The following PDE5A variants were observed in gnomAD, a reference collection of about 807,000 sequenced individuals.
The protein encoded by PDE5A is phosphodiesterase 5A, also known as cGMP-specific 3',5'-cyclic phosphodiesterase.
In PDE5A, 67 loss-of-function variants were observed where a neutral mutation model predicts 110.2. The ratio of observed to expected loss-of-function variants is 0.61; its 90% CI spans 0.50 to 0.75. PDE5A has a LOEUF of 0.75. Among genes scored for constraint, PDE5A ranks in the 30% least tolerant of loss-of-function variants. The pLI is 0.00. For missense variants in PDE5A, 862 were observed against 1,045.1 expected (o/e 0.82, Z 2.42); for synonymous variants, 328 against 351.2 (o/e 0.93, Z 0.74).
chr4:119,575,144 TA>T (rs1728286973), intron 3 of PDE5A, among the ~76,000 whole-genome samples: 1 of 152,068 alleles, frequency 6.6e-6, no homozygotes, highest in African/African-American at 2.4e-5. Context: ...GAAAAAAGAA[TA>T]AAAAGAAACG....
At chr4:119,541,629 T>C (rs1428164766) in intron 10 of PDE5A, 5 of 152,148 alleles carry the variant, frequency 3.3e-5, no homozygotes, top group African/African-American at 9.7e-5. Context: ...TAAGAGAGAT[T>C]GAGGGAAATG....
chr4:119,558,103 C>G (rs1354012541), intron 7 of PDE5A, among the ~76,000 whole-genome samples: 1 of 152,004 alleles, frequency 6.6e-6, no homozygotes, highest in East Asian at 1.9e-4. Context: ...TTTTTTCCTT[C>G]TAATTGGGTG....
chr4:119,553,582 A>G (rs1465314865), intron 8 of PDE5A, 56 bp downstream of exon 8: 1 of 843,758 alleles, frequency 1.2e-6, no homozygotes, highest in Non-Finnish European at 2.1e-6. Context: ...AACTGTAAGT[A>G]CAGATGTGAT....
In PDE5A at chr4:119,505,838, A is replaced by T. The variant is rs1469181026; in HGVS notation, c.2267+17T>A. ...TGGGTAAAAAACTTCAGCTTTAAAG[A>T]TAGTAAACCTACTTACAAAAACAAC... On this transcript the variant is annotated intron_variant, in intron 17 of 20. Coordinates refer to ENST00000354960, the MANE Select transcript of PDE5A (RefSeq NM_001083.4). The T allele has an allele frequency of 6.9e-7, 1 of 1,440,552 alleles. No individual in the cohort carries two copies. The highest frequency in any genetic ancestry group is 2.4e-5 in the East Asian group (1 of 42,500). The allele number at this position is 1,440,552 out of a possible 1,614,324, so 89.2% of individuals were successfully genotyped here. A position where few individuals can be genotyped will look rare whatever the true frequency, so the allele number is the denominator to read the frequency against.
intron 3 of PDE5A, among the ~76,000 whole-genome samples, chr4:119,586,075 CTA>C (rs1728754750): frequency 6.6e-6 from 1 of 152,170 alleles, no homozygotes. Context: ...ACCACAAAAA[CTA>C]TGAGATAATA....
rs1338269189 is a variant in PDE5A at position 119,627,728 on chromosome 4, C to G, written c.152+792G>C. The G allele has an allele frequency of 2.0e-5, 3 of 153,732 alleles. No homozygotes were observed. The highest frequency in any genetic ancestry group is 4.3e-5 in the Non-Finnish European group (3 of 69,348). The allele number at this position is 153,732 out of a possible 1,614,324, so 9.5% of individuals were successfully genotyped here. A position where few individuals can be genotyped will look rare whatever the true frequency, so the allele number is the denominator to read the frequency against. ...CCGACTGCCCGCTGCGCAGCCGCCTCCAAAAGGACAGGCTCCCTCCTCCCC... is the reference window on the plus strand; with the variant it reads ...CCGACTGCCCGCTGCGCAGCCGCCTGCAAAAGGACAGGCTCCCTCCTCCCC... On this transcript the variant is annotated intron_variant, in intron 1 of 20. Coordinates refer to ENST00000354960, the MANE Select transcript of PDE5A (RefSeq NM_001083.4). The surrounding 1 kb of genome is among the most constrained non-coding windows in gnomAD (Gnocchi z 4.6).
At chr4:119,613,085 CA>C in intron 1 of PDE5A, among the ~76,000 whole-genome samples, 1 of 152,194 alleles carries the variant, frequency 6.6e-6, no homozygotes, top group Admixed American at 6.5e-5. Context: ...AATATTAATT[CA>C]AAAAACTAGT....
intron 13 of PDE5A, among the ~76,000 whole-genome samples, chr4:119,520,612 A>T (rs1342063460): frequency 6.6e-6 from 1 of 152,058 alleles, no homozygotes; most frequent in African/African-American, 2.4e-5. Context: ...GAAATGTGAT[A>T]CTTTTTCTTA....
intron 3 of PDE5A, among the ~76,000 whole-genome samples, chr4:119,579,611 G>A (rs1205320226): frequency 3.3e-5 from 5 of 150,910 alleles, no homozygotes; most frequent in Non-Finnish European, 7.4e-5. Flanking sequence ...AACACTGCAT[G>A]TTCTCACTCA....
At chr4:119,628,413 G>A (rs1730440178) in intron 1 of PDE5A, 107 bp downstream of exon 1, 1 of 877,544 alleles carries the variant, frequency 1.1e-6, no homozygotes, top group Non-Finnish European at 1.8e-6. Flanking sequence ...TAACAGGACC[G>A]AGGACCTACT....
chr4:119,615,703 T>C (rs28535956), intron 1 of PDE5A, among the ~76,000 whole-genome samples: 40,381 of 151,832 alleles, frequency 0.27, 5,535 homozygotes, highest in East Asian at 0.39. Context: ...ACAAATTCCA[T>C]TGAAGCATCT....
chr4:119,505,839 T>C lies in PDE5A; in HGVS notation c.2267+16A>G, dbSNP rs200327573. 6.1e-5 allele frequency: 88 copies of C among 1,449,274 alleles called. No homozygotes were observed. In the African/African-American group the frequency reaches 1.2e-3, roughly 19 times the overall value. The allele number at this position is 1,449,274 out of a possible 1,614,324, so 89.8% of individuals were successfully genotyped here. A position where few individuals can be genotyped will look rare whatever the true frequency, so the allele number is the denominator to read the frequency against. On this transcript the variant is annotated intron_variant, in intron 17 of 20. Transcript: ENST00000354960. ...GGGTAAAAAACTTCAGCTTTAAAGATAGTAAACCTACTTACAAAAACAACT... is the reference window on the plus strand; with the variant it reads ...GGGTAAAAAACTTCAGCTTTAAAGACAGTAAACCTACTTACAAAAACAACT...
rs763512617 is a variant in PDE5A at position 119,505,939 on chromosome 4, T to C, written c.2190-7A>G. 3.3e-6 allele frequency: 5 copies of C among 1,523,058 alleles called. No homozygotes were observed. The East Asian group carries it at 1.2e-4, about 36-fold the overall frequency. 94.3% of individuals were successfully genotyped at this position (1,523,058 alleles called of 1,614,324 possible). Reference sequence around the variant, plus strand: ...AAAAAATTCTCCTCGCCTCCTACAATGTTTAAAAAAAAATTGTTAGTTATA... The same window carrying C: ...AAAAAATTCTCCTCGCCTCCTACAACGTTTAAAAAAAAATTGTTAGTTATA... On this transcript the variant is annotated splice_region_variant and splice_polypyrimidine_tract_variant and intron_variant, in intron 16 of 20. Coordinates refer to ENST00000354960, the MANE Select transcript of PDE5A (RefSeq NM_001083.4).
intron 5 of PDE5A, 39 bp downstream of exon 5, chr4:119,565,282 A>G (rs1279283045): frequency 7.3e-7 from 1 of 1,374,706 alleles, no homozygotes; most frequent in Non-Finnish European, 1.0e-6. Context: ...CAATTTTTAA[A>G]AAGTATTTCT....
intron 7 of PDE5A, among the ~76,000 whole-genome samples, chr4:119,556,355 T>A (rs183067236): frequency 1.3e-5 from 2 of 152,232 alleles, no homozygotes; most frequent in Non-Finnish European, 2.9e-5. Flanking sequence ...CCCATCCTAC[T>A]GTTTAAAATG....
At chr4:119,588,425 C>A (rs541706243) in intron 3 of PDE5A, among the ~76,000 whole-genome samples, 2 of 151,814 alleles carry the variant, frequency 1.3e-5, no homozygotes, top group Non-Finnish European at 2.9e-5. Flanking sequence ...GATCCACCCC[C>A]CTTAGCCTCC....
chr4:119,611,472 T>C (rs57960799), intron 1 of PDE5A, among the ~76,000 whole-genome samples: 2 of 152,128 alleles, frequency 1.3e-5, no homozygotes, highest in South Asian at 2.1e-4. Flanking sequence ...AAAATCAACG[T>C]TGTGTTTTAG....
intron 6 of PDE5A, among the ~76,000 whole-genome samples, chr4:119,562,167 C>A (rs146338796): frequency 3.3e-5 from 5 of 152,282 alleles, no homozygotes; most frequent in Non-Finnish European, 7.4e-5. Flanking sequence ...AGGCCAGGGG[C>A]CCTGATTCTA....
At position 119,575,213 on chromosome 4, in the gene PDE5A, G is replaced by T. The variant is rs575656607; in HGVS notation, c.832-8069C>A. On this transcript the variant is annotated intron_variant, in intron 3 of 20. Transcript: ENST00000354960. ...AAAAGACCAAATCTATGTCTGACTG[G>T]TGTACCTGAAAGTGACAGGGAGAAT... Among the ~76,000 whole-genome samples, 472 of 152,308 alleles carry T rather than the reference G, an allele frequency of 3.1e-3. 7 individuals are homozygous for T. Among genetic ancestry groups the T allele is most frequent in the Non-Finnish European group, 2.5e-3 (168 of 68,016 alleles).
Sources: gnomAD v4.1 joint callset for allele counts (sites outside exome capture counted in the v4.1 genomes callset) on GRCh38, gnomAD v4.1.1 for gene constraint, Gnocchi (gnomAD v3.1) non-coding constraint, MANE v1.5 for transcripts, NCBI Gene and HGNC (gene_info 2026-07-23, HGNC 2026-07-21) for gene names.